The following RORA variants were observed in gnomAD, a reference collection of about 807,000 sequenced individuals.
The protein encoded by RORA is RAR related orphan receptor A, also known as nuclear receptor ROR-alpha.
Under a neutral mutation model 69.5 loss-of-function variants are expected in RORA, and 7 were observed. The observed-to-expected ratio is 0.10, with a 90% CI of 0.06 to 0.19. The LOEUF is 0.19. Ranked by LOEUF, RORA falls within the 10% of genes least tolerant of loss-of-function variation. The pLI, the probability that RORA is intolerant of heterozygous loss-of-function variation, is 1.00. For synonymous variants in RORA, 261 were observed against 240.8 expected (o/e 1.08, Z -0.78); for missense variants, 457 against 663.0 (o/e 0.69, Z 3.41).
chr15:60,972,528 C>T (rs1429129055), intron 1 of RORA, among the ~76,000 whole-genome samples: 3 of 152,052 alleles, frequency 2.0e-5, no homozygotes, highest in African/African-American at 7.2e-5. Flanking sequence ...GCTGAGTGTT[C>T]GTTATGAGTA....
At chr15:60,573,752 T>C (rs1359759425) in intron 2 of RORA, among the ~76,000 whole-genome samples, 1 of 152,206 alleles carries the variant, frequency 6.6e-6, no homozygotes, top group African/African-American at 2.4e-5. Flanking sequence ...CTTCACTTCT[T>C]CCAAAAAGCT....
chr15:60,996,424 C>T (rs796481557), intron 1 of RORA, among the ~76,000 whole-genome samples: 9 of 152,274 alleles, frequency 5.9e-5, no homozygotes, highest in African/African-American at 2.2e-4. Context: ...TGTCAAAACT[C>T]ACTGAACTGA....
At chr15:61,189,800 T>C (rs2079778812) in intron 1 of RORA, among the ~76,000 whole-genome samples, 1 of 123,060 alleles carries the variant, frequency 8.1e-6, no homozygotes, top group African/African-American at 3.1e-5. Context: ...GAGCTTGCAG[T>C]GAGCCGAGAT....
At chr15:60,926,232 A>C (rs1427612834) in intron 1 of RORA, among the ~76,000 whole-genome samples, 1 of 152,218 alleles carries the variant, frequency 6.6e-6, no homozygotes, top group Admixed American at 6.5e-5. Context: ...AAAGTCCCTC[A>C]ATCCAATGAC....
chr15:60,821,427 C>T (rs1052355551), intron 1 of RORA, among the ~76,000 whole-genome samples: 3 of 152,176 alleles, frequency 2.0e-5, no homozygotes, highest in South Asian at 2.1e-4. Flanking sequence ...AGGTAGGGCT[C>T]GCATTAAGAG....
chr15:60,745,654 T>C (rs2071636628), intron 1 of RORA, among the ~76,000 whole-genome samples: 1 of 152,246 alleles, frequency 6.6e-6, no homozygotes, highest in South Asian at 2.1e-4. Context: ...CACATCTGTC[T>C]TGTTGGCCTG....
intron 2 of RORA, among the ~76,000 whole-genome samples, chr15:60,616,881 C>T (rs1236125251): frequency 2.0e-5 from 3 of 152,300 alleles, no homozygotes; most frequent in Non-Finnish European, 2.9e-5. Flanking sequence ...ACCAGCCTCA[C>T]GTCTACCTCT....
At chr15:60,884,086 C>T (rs1224070911) in intron 1 of RORA, among the ~76,000 whole-genome samples, 2 of 152,106 alleles carry the variant, frequency 1.3e-5, no homozygotes, top group African/African-American at 4.8e-5. Flanking sequence ...ATTGTGGCAG[C>T]CGTAGAGGCT....
In RORA at chr15:60,678,008, T is replaced by C. The variant is rs188016031; in HGVS notation, c.196+649A>G. 1.5e-4 allele frequency among the ~76,000 whole-genome samples: 23 copies of C among 152,378 alleles called. No individual in the cohort carries two copies. In the East Asian group the frequency reaches 1.9e-3, roughly 13 times the overall value. On this transcript the variant is annotated intron_variant, in intron 2 of 10. Transcript: ENST00000335670. ...CACAGTCAAACATCATTGCTCAGATTGCAAATCACAACACCTTACATTGAC... is the reference window on the plus strand; with the variant it reads ...CACAGTCAAACATCATTGCTCAGATCGCAAATCACAACACCTTACATTGAC...
chr15:60,830,503 C>T (rs1424837808), intron 1 of RORA, among the ~76,000 whole-genome samples: 1 of 152,182 alleles, frequency 6.6e-6, no homozygotes, highest in Admixed American at 6.5e-5. Context: ...TATAGCTCTT[C>T]GATTCTTAAC....
chr15:60,579,840 T>C (rs1353941544), intron 2 of RORA, among the ~76,000 whole-genome samples: 1 of 152,224 alleles, frequency 6.6e-6, no homozygotes, highest in Admixed American at 6.5e-5. Context: ...CTTTAACTTC[T>C]TGCTTTCTAA....
chr15:60,848,047 GC>G, intron 1 of RORA: 1 of 152,480 alleles, frequency 6.6e-6, no homozygotes, highest in Non-Finnish European at 1.5e-5. Flanking sequence ...TCCCCCTCCA[GC>G]CCCCGCTTGC....
At chr15:60,688,402 T>C (rs1047905136) in intron 1 of RORA, among the ~76,000 whole-genome samples, 3 of 152,156 alleles carry the variant, frequency 2.0e-5, no homozygotes, top group Non-Finnish European at 2.9e-5. Context: ...CAAATAAAAT[T>C]ATAATAATAA....
chr15:60,645,356 TG>T (rs1186487154), intron 2 of RORA, among the ~76,000 whole-genome samples: 1 of 147,854 alleles, frequency 6.8e-6, no homozygotes, highest in African/African-American at 2.5e-5. Flanking sequence ...ATGGCTATGA[TG>T]AAAAAAAAAT....
chr15:60,690,994 G>A (rs979209182), intron 1 of RORA, among the ~76,000 whole-genome samples: 20 of 152,240 alleles, frequency 1.3e-4, no homozygotes, highest in Admixed American at 3.3e-4. Context: ...TACATGATCC[G>A]GCCTGCCTGG....
chr15:60,920,964 T>C (rs1201781578), intron 1 of RORA, among the ~76,000 whole-genome samples: 2 of 152,198 alleles, frequency 1.3e-5, no homozygotes, highest in Admixed American at 6.5e-5. Context: ...TTGGGGCTCA[T>C]GATCAACCCA....
At chr15:60,847,660 G>C (rs2073280511) in intron 1 of RORA, 1 of 152,012 alleles carries the variant, frequency 6.6e-6, no homozygotes, top group Non-Finnish European at 1.5e-5. Context: ...ACCCACACTA[G>C]ATATTGAAGA....
intron 1 of RORA, among the ~76,000 whole-genome samples, chr15:60,961,354 C>G (rs1169758620): frequency 6.6e-6 from 1 of 152,116 alleles, no homozygotes; most frequent in African/African-American, 2.4e-5. Flanking sequence ...TCTGATGGTC[C>G]TATAAAGGCA....
At position 60,492,266 on chromosome 15, in the gene RORA, T is replaced by A. The variant is rs1030727887; in HGVS notation, c.*5189A>T. The A allele has an allele frequency of 6.6e-6, 1 of 152,218 alleles. No individual in the cohort carries two copies. Among genetic ancestry groups the A allele is most frequent in the Non-Finnish European group, 1.5e-5 (1 of 68,016 alleles). 9.4% of individuals were successfully genotyped at this position (152,218 alleles called of 1,614,324 possible). A position where few individuals can be genotyped will look rare whatever the true frequency, so the allele number is the denominator to read the frequency against. ...CAATTACATTGAACTTCTCTGACTT[T>A]ATGGAAAGTAATATGTGGAATATGA... On this transcript the variant is annotated 3_prime_UTR_variant, in exon 11 of 11. Transcript: ENST00000335670.
Sources: allele counts gnomAD v4.1 joint callset (sites outside exome capture counted in the v4.1 genomes callset), GRCh38; gene constraint gnomAD v4.1.1; transcripts MANE v1.5; gene names NCBI Gene and HGNC (gene_info 2026-07-23, HGNC 2026-07-21).